Variants in NAV2 observed in about 807,000 individuals in gnomAD.
NAV2 encodes helicase, APC down-regulated 1.
NAV2 carries 54 observed loss-of-function variants against 223.2 expected under a neutral mutation model. The ratio of observed to expected loss-of-function variants is 0.24; its 90% CI spans 0.19 to 0.30. The LOEUF is 0.30. Among genes scored for constraint, NAV2 ranks in the 10% least tolerant of loss-of-function variants. NAV2 has a pLI of 1.00. For synonymous variants in NAV2, 1,279 were observed against 1,239.3 expected (o/e 1.03, Z -0.67); for missense variants, 2,806 against 3,147.5 (o/e 0.89, Z 2.60).
At chr11:19,696,719 T>C (rs928255075) in intron 1 of NAV2, among the ~76,000 whole-genome samples, 1 of 152,232 alleles carries the variant, frequency 6.6e-6, no homozygotes, top group Non-Finnish European at 1.5e-5. Flanking sequence ...TCAAAAACTA[T>C]TCCCAAGATG....
At chr11:19,872,752 G>C (rs1218391583) in intron 4 of NAV2, among the ~76,000 whole-genome samples, 1 of 152,250 alleles carries the variant, frequency 6.6e-6, no homozygotes, top group Admixed American at 6.5e-5. Flanking sequence ...GGGAGCCTTT[G>C]TTCTAGGGCA....
chr11:19,833,949 G>A (rs149272707), intron 2 of NAV2, among the ~76,000 whole-genome samples: 1 of 152,204 alleles, frequency 6.6e-6, no homozygotes, highest in African/African-American at 2.4e-5. Flanking sequence ...GCCAGCATGG[G>A]AGAAAGCTTC....
chr11:19,530,615 C>G lies in NAV2; in HGVS notation c.75+179588C>G, dbSNP rs115155969. ...CCAAAGCATGGACACCGCTGTGCTT[C>G]TGTCTGAGTTCACCTGCCACGGAAA... On this transcript the variant is annotated intron_variant, in intron 1 of 37. Transcript: ENST00000360655. 9.4e-4 allele frequency among the ~76,000 whole-genome samples: 143 copies of G among 152,368 alleles called. 1 individual carries two copies. Among genetic ancestry groups the G allele is most frequent in the African/African-American group, 3.2e-3 (135 of 41,586 alleles).
chr11:19,573,749 G>A (rs2045493266), intron 1 of NAV2, among the ~76,000 whole-genome samples: 2 of 152,194 alleles, frequency 1.3e-5, no homozygotes, highest in Non-Finnish European at 2.9e-5. Flanking sequence ...GCCCTCCCCT[G>A]TACCCAGCCT....
chr11:19,573,004 A>G (rs1334829435), intron 1 of NAV2, among the ~76,000 whole-genome samples: 1 of 152,176 alleles, frequency 6.6e-6, no homozygotes, highest in Non-Finnish European at 1.5e-5. Flanking sequence ...ATTTTTACAC[A>G]ATCTAATTTT....
intron 2 of NAV2, among the ~76,000 whole-genome samples, chr11:19,835,305 G>A (rs1302390158): frequency 6.6e-6 from 1 of 152,134 alleles, no homozygotes; most frequent in Admixed American, 6.5e-5. Flanking sequence ...ACACAGGATC[G>A]CTTTGTCCAG....
chr11:19,821,684 T>A (rs994106938), intron 1 of NAV2, among the ~76,000 whole-genome samples: 1 of 152,248 alleles, frequency 6.6e-6, no homozygotes, highest in African/African-American at 2.4e-5. Flanking sequence ...GAGATTGTTG[T>A]GAAACTATGT....
At chr11:19,497,850 A>T (rs2251018) in intron 1 of NAV2, among the ~76,000 whole-genome samples, 1 of 152,098 alleles carries the variant, frequency 6.6e-6, no homozygotes, top group East Asian at 1.9e-4. Context: ...GGATTGCCAG[A>T]TTTGGGAATG....
chr11:19,951,222 C>A (rs2047371734), intron 10 of NAV2, among the ~76,000 whole-genome samples: 1 of 152,032 alleles, frequency 6.6e-6, no homozygotes, highest in African/African-American at 2.4e-5. Flanking sequence ...GACCAGAGGG[C>A]AGAAAAAGGT....
chr11:20,047,123 C>T (rs1448703970), intron 14 of NAV2, among the ~76,000 whole-genome samples: 3 of 152,038 alleles, frequency 2.0e-5, no homozygotes, highest in African/African-American at 7.2e-5. Context: ...TAACAGATTG[C>T]CTTGTAAATG....
chr11:19,992,144 G>GA, intron 11 of NAV2, among the ~76,000 whole-genome samples: 1 of 152,342 alleles, frequency 6.6e-6, no homozygotes, highest in South Asian at 2.1e-4. Flanking sequence ...AAGAGACAGT[G>GA]AAAGTCATTT....
chr11:19,449,496 G>C (rs900112507), intron 1 of NAV2, among the ~76,000 whole-genome samples: 2 of 152,034 alleles, frequency 1.3e-5, no homozygotes, highest in African/African-American at 4.8e-5. Flanking sequence ...TGTGCTCAGG[G>C]AAAGCACTTC....
At chr11:20,060,010 G>C (rs921494735) in intron 19 of NAV2, among the ~76,000 whole-genome samples, 3 of 152,214 alleles carry the variant, frequency 2.0e-5, no homozygotes, top group African/African-American at 7.2e-5. Flanking sequence ...TTGGAACACA[G>C]CCTTGCTGTT....
At chr11:19,938,834 A>G (rs1030551039) in intron 7 of NAV2, among the ~76,000 whole-genome samples, 5 of 152,244 alleles carry the variant, frequency 3.3e-5, no homozygotes, top group Non-Finnish European at 7.3e-5. Context: ...GTTTATCAGT[A>G]CATCCCCCGT....
intron 1 of NAV2, among the ~76,000 whole-genome samples, chr11:19,644,367 A>AT (rs1021461337): frequency 1.4e-4 from 21 of 152,298 alleles, no homozygotes; most frequent in African/African-American, 4.8e-4. Flanking sequence ...CAGAGGAAGC[A>AT]TTTTTTTGGT....
chr11:19,649,733 A>T (rs950400953), intron 1 of NAV2, among the ~76,000 whole-genome samples: 3 of 152,240 alleles, frequency 2.0e-5, no homozygotes. Context: ...TCTATCATAA[A>T]CACATAACCA....
chr11:19,598,171 G>A (rs563220547), intron 1 of NAV2, among the ~76,000 whole-genome samples: 14 of 152,222 alleles, frequency 9.2e-5, no homozygotes, highest in South Asian at 8.3e-4. Flanking sequence ...GGAGTGTGCC[G>A]TCTCTTCTGC....
At chr11:19,602,320 G>A (rs183699326) in intron 1 of NAV2, among the ~76,000 whole-genome samples, 1 of 152,090 alleles carries the variant, frequency 6.6e-6, no homozygotes, top group East Asian at 1.9e-4. Flanking sequence ...TGAGACTGCA[G>A]GTGCACACCA....
chr11:20,096,431 G>C (rs913072127), intron 30 of NAV2, among the ~76,000 whole-genome samples: 1 of 152,106 alleles, frequency 6.6e-6, no homozygotes, highest in Admixed American at 6.6e-5. Flanking sequence ...ACAACTATAA[G>C]GGCTCATTAA....
Sources: gnomAD v4.1 joint callset for allele counts (sites outside exome capture counted in the v4.1 genomes callset) on GRCh38, gnomAD v4.1.1 for gene constraint, MANE v1.5 for transcripts, NCBI Gene and HGNC (gene_info 2026-07-23, HGNC 2026-07-21) for gene names.